Variants in MPRIP observed in about 807,000 individuals in gnomAD.
MPRIP encodes myosin phosphatase Rho-interacting protein.
Under a neutral mutation model 234.9 loss-of-function variants are expected in MPRIP, and 59 were observed. The observed-to-expected ratio is 0.25, with a 90% CI of 0.20 to 0.31. The LOEUF (loss-of-function observed/expected upper bound fraction) is 0.31. MPRIP is among the 10% of genes least tolerant of loss of function. MPRIP has a pLI of 1.00. For missense variants in MPRIP, 2,436 were observed against 3,071.0 expected, an observed-to-expected ratio of 0.79 and a Z score of 4.89; for synonymous variants, 1,144 against 1,263.9, an observed-to-expected ratio of 0.91 and a Z score of 2.01.
intron 5 of MPRIP, 92 bp from the exon 6 acceptor site, chr17:17,136,127 G>T: frequency 2.2e-6 from 3 of 1,366,446 alleles, no homozygotes; most frequent in Non-Finnish European, 2.1e-6. Context: ...AGCTGGCCCG[G>T]GTGCCCCCTA....
Position 17,164,268 on chromosome 17 carries a change from C to G in MPRIP, c.2677C>G (p.Arg893Gly). The G allele has an allele frequency of 7.7e-7, 1 of 1,304,264 alleles. No individual in the cohort carries two copies. The highest frequency in any genetic ancestry group is 1.0e-6 in the Non-Finnish European group (1 of 988,972). 80.8% of individuals were successfully genotyped at this position (1,304,264 alleles called of 1,614,324 possible). ...CTATGGGGAGGCCAAGGACACGATC[C>G]GGCACCACGAGGCTGAGATCCGGAG... The part of the protein sequence containing the change: ...RSYGEAKDTI[R>G]HHEAEIRSLQ... Residue 893 changes from arginine to glycine, a missense_variant, in exon 16 of 24, where the codon CGG (arginine) becomes GGG (glycine). Around this residue, in one of 4 missense-constraint regions of MPRIP, gnomAD observed 1,998 missense variants for 2,520.3 expected, o/e 0.79. Transcript: ENST00000651222.
Position 17,171,480 on chromosome 17 carries a change from A to T in MPRIP, c.6325-238A>T, listed in dbSNP as rs2046133369. On this transcript the variant is annotated intron_variant, in intron 16 of 23. Coordinates refer to ENST00000651222, the MANE Select transcript of MPRIP (RefSeq NM_001364716.4). Reference sequence around the variant, plus strand: ...AAGAAATGGGGCACAGTACAGTCACAGAAATAAGAGGTAGAGTTGACTGGT... The same window carrying T: ...AAGAAATGGGGCACAGTACAGTCACTGAAATAAGAGGTAGAGTTGACTGGT... 9.9e-6 allele frequency: 5 copies of T among 503,170 alleles called. No homozygotes were observed. In the South Asian group the frequency reaches 1.1e-4, roughly 11 times the overall value. 31.2% of individuals were successfully genotyped at this position (503,170 alleles called of 1,614,324 possible). A position where few individuals can be genotyped will look rare whatever the true frequency, so the allele number is the denominator to read the frequency against.
chr17:17,167,603 C>T lies in MPRIP; in HGVS notation c.6012C>T (p.Leu2004=), dbSNP rs963132531. 2.1e-5 allele frequency: 27 copies of T among 1,304,148 alleles called. No individual in the cohort carries two copies. Among genetic ancestry groups the T allele is most frequent in the Non-Finnish European group, 2.3e-5 (23 of 988,962 alleles). 80.8% of individuals were successfully genotyped at this position (1,304,148 alleles called of 1,614,324 possible). ...QIQTLEDRFQ[L]KVRELQTIHE... The stretch of plus-strand genomic sequence containing the variant: ...AGACCCTGGAGGACAGGTTCCAGCT[C>T]AAGGTCCGGGAGCTGCAGACGATCC... The change falls in exon 16 of 24, where the codon CTC becomes CTT. Residue 2004 remains leucine, a synonymous_variant. Transcript: ENST00000651222. The surrounding 1 kb of genome is among the most constrained non-coding windows in gnomAD (Gnocchi z 5.9).
At position 17,172,799 on chromosome 17, in the gene MPRIP, C is replaced by T. The variant is rs998309419; in HGVS notation, c.6574C>T (p.Leu2192=). 2 of 1,612,334 alleles carry T rather than the reference C, an allele frequency of 1.2e-6. No homozygotes were observed. Among genetic ancestry groups the T allele is most frequent in the East Asian group, 2.2e-5 (1 of 44,882 alleles). ...CAGCGTCAACTCGGATGTTGAGGCC[C>T]TGCGGCGCCAGTACCTGTAAGTGGC... ...ISSVNSDVEA[L]RRQYLEELQS... is the part of the protein sequence containing the mutation. Residue 2192 remains leucine (L), a synonymous_variant, in exon 18 of 24, where the codon CTG becomes TTG. Transcript: ENST00000651222.
intron 3 of MPRIP, among the ~76,000 whole-genome samples, chr17:17,111,661 A>C (rs2090173887): frequency 6.6e-6 from 1 of 152,220 alleles, no homozygotes. Flanking sequence ...GGACTTGTTC[A>C]GACTCTTCTG....
chr17:17,046,769 C>G (rs996123706), intron 1 of MPRIP, among the ~76,000 whole-genome samples: 3 of 152,208 alleles, frequency 2.0e-5, no homozygotes, highest in Admixed American at 2.0e-4. Context: ...AATTTAGTGT[C>G]TGTGGGCTAT....
chr17:17,060,293 G>A (rs547606272), intron 1 of MPRIP, among the ~76,000 whole-genome samples: 1 of 152,360 alleles, frequency 6.6e-6, no homozygotes, highest in East Asian at 1.9e-4. Flanking sequence ...CAGCTGCATG[G>A]ATGTGGGGCA....
intron 3 of MPRIP, among the ~76,000 whole-genome samples, chr17:17,107,198 G>C (rs2090079931): frequency 6.6e-6 from 1 of 152,234 alleles, no homozygotes; most frequent in Non-Finnish European, 1.5e-5. Context: ...GGGTGGATTG[G>C]TGTTTGTGGG....
chr17:17,132,860 G>T (rs1296818361), intron 5 of MPRIP, among the ~76,000 whole-genome samples: 6 of 152,238 alleles, frequency 3.9e-5, no homozygotes, highest in Non-Finnish European at 8.8e-5. Context: ...GGAGCTTCCT[G>T]CTGGGGAACA....
rs750961278 is a variant in MPRIP, at chr17:17,190,949, CAG to C, written c.*6058_*6059del. Reference sequence around the variant, plus strand: ...GAAGTTACTGCAGGGATTTTTGTGACAGAGTTTGTATGGGTTTTTAAAAAAAT... The same window carrying C: ...GAAGTTACTGCAGGGATTTTTGTGACAGTTTGTATGGGTTTTTAAAAAAAT... On this transcript the variant is annotated 3_prime_UTR_variant, in exon 24 of 24. Coordinates refer to ENST00000651222, the MANE Select transcript of MPRIP (RefSeq NM_001364716.4). The C allele has an allele frequency of 1.2e-4, 18 of 152,094 alleles. No homozygotes were observed. The highest frequency in any genetic ancestry group is 2.5e-4 in the Non-Finnish European group (17 of 68,014). The allele number at this position is 152,094 out of a possible 1,614,324, so 9.4% of individuals were successfully genotyped here. A position where few individuals can be genotyped will look rare whatever the true frequency, so the allele number is the denominator to read the frequency against.
chr17:17,133,707 G>A (rs1359837156), intron 5 of MPRIP, among the ~76,000 whole-genome samples: 1 of 152,172 alleles, frequency 6.6e-6, no homozygotes, highest in Non-Finnish European at 1.5e-5. Context: ...AGAAGTTGGG[G>A]CCAAGGATCG....
At chr17:17,183,159 AAC>A (rs1398104458) in intron 23 of MPRIP, 2 of 152,300 alleles carry the variant, frequency 1.3e-5, no homozygotes, top group African/African-American at 2.4e-5. Context: ...CCCTCTCAGA[AAC>A]ACACAATTAT....
chr17:17,108,325 A>G (rs1289420519), intron 3 of MPRIP, among the ~76,000 whole-genome samples: 1 of 152,216 alleles, frequency 6.6e-6, no homozygotes, highest in African/African-American at 2.4e-5. Flanking sequence ...AAGTGACTTA[A>G]TACAGCTGGG....
chr17:17,057,375 G>A (rs2088732383), intron 1 of MPRIP, among the ~76,000 whole-genome samples: 1 of 152,228 alleles, frequency 6.6e-6, no homozygotes. Context: ...TGTCTGACCT[G>A]AAGATCATCT....
intron 1 of MPRIP, among the ~76,000 whole-genome samples, chr17:17,061,486 G>T (rs1294476903): frequency 2.0e-5 from 3 of 152,180 alleles, no homozygotes; most frequent in Non-Finnish European, 4.4e-5. Flanking sequence ...TATTAGCCAC[G>T]GTTTGCACGC....
Position 17,161,369 on chromosome 17 carries a change from G to A in MPRIP, c.2517+13G>A, listed in dbSNP as rs1452837422. 1.3e-6 allele frequency: 2 copies of A among 1,539,734 alleles called. No homozygotes were observed. The highest frequency in any genetic ancestry group is 1.7e-4 in the Middle Eastern group (1 of 5,934). On this transcript the variant is annotated intron_variant, in intron 15 of 23. Transcript: ENST00000651222. Reference sequence around the variant, plus strand: ...CTACGTGCTGCAGGTAGGGTGGAGGGGCTGCTGTGGCCCATGGTGCGCTCA... The same window carrying A: ...CTACGTGCTGCAGGTAGGGTGGAGGAGCTGCTGTGGCCCATGGTGCGCTCA...
intron 10 of MPRIP, 96 bp from the exon 11 acceptor site, chr17:17,147,223 A>C: frequency 6.9e-4 from 749 of 1,081,400 alleles, no homozygotes; most frequent in Non-Finnish European, 1.0e-3. Context: ...GTGCTCTGGG[A>C]GGGCCCCACA....
rs1444094367 is a variant in MPRIP at position 17,167,759 on chromosome 17, C to T, written c.6168C>T (p.Thr2056=). ...LPAPAPNWQA[T]QGEADSMTGL... ...CCCCTGCCCCCAACTGGCAGGCCAC[C>T]CAGGGAGAGGCTGACTCCATGACGG... Residue 2056 remains threonine, a synonymous_variant, in exon 16 of 24, where the codon ACC becomes ACT. Transcript: ENST00000651222. This position sits in a 1 kb window ranked among gnomAD's most constrained non-coding sequence, Gnocchi z 5.9. 7.7e-7 allele frequency: 1 copy of T among 1,304,220 alleles called. No individual in the cohort carries two copies. 80.8% of individuals were successfully genotyped at this position (1,304,220 alleles called of 1,614,324 possible).
chr17:17,135,700 A>G (rs538709028), intron 5 of MPRIP, among the ~76,000 whole-genome samples: 3 of 152,262 alleles, frequency 2.0e-5, no homozygotes, highest in South Asian at 2.1e-4. Context: ...CTCATGACCT[A>G]ATCACCTCCT....
Sources: gnomAD v4.1 joint callset for allele counts (sites outside exome capture counted in the v4.1 genomes callset) on GRCh38, gnomAD v4.1.1 for gene constraint, gnomAD v4.1.1 regional missense constraint, Gnocchi (gnomAD v3.1) non-coding constraint, MANE v1.5 for transcripts, NCBI Gene and HGNC (gene_info 2026-07-23, HGNC 2026-07-21) for gene names.